Variants in CHM observed in about 807,000 individuals in gnomAD.
CHM encodes CHM Rab escort protein.
A neutral mutation model predicts 49.0 loss-of-function variants in CHM; 10 were observed. The observed-to-expected ratio is 0.20, with a 90% CI of 0.13 to 0.35. The LOEUF is 0.35. CHM is among the 10% of genes least tolerant of loss of function. The pLI is 1.00. For synonymous variants in CHM, 184 were observed against 167.5 expected (o/e 1.10, Z -0.76); for missense variants, 455 against 478.4 (o/e 0.95, Z 0.46).
At chrX:85,926,923 A>G (rs1452203241) in intron 8 of CHM, among the ~76,000 whole-genome samples, 2 of 112,276 alleles carry the variant, frequency 1.8e-5, no homozygotes, top group African/African-American at 6.5e-5. Flanking sequence ...CGTTTTACAT[A>G]ACAGTTATTT....
intron 8 of CHM, among the ~76,000 whole-genome samples, chrX:85,954,778 G>C (rs1221462567): frequency 9.1e-6 from 1 of 109,357 alleles, no homozygotes; most frequent in African/African-American, 3.3e-5. Context: ...TGTAATCCCA[G>C]CTACTCAGGA....
At chrX:86,041,308 A>G (rs1569264067) in intron 1 of CHM, among the ~76,000 whole-genome samples, 2 of 111,500 alleles carry the variant, frequency 1.8e-5, no homozygotes, top group Admixed American at 9.6e-5. Context: ...CCAGAGTTAG[A>G]TAACTCTTTA....
chrX:85,942,057 T>C, intron 8 of CHM, among the ~76,000 whole-genome samples: 1 of 111,561 alleles, frequency 9.0e-6, no homozygotes. Context: ...ATTTGCCCAA[T>C]GATACACAGT....
chrX:86,016,539 C>G (rs1304560944), intron 2 of CHM, among the ~76,000 whole-genome samples: 2 of 112,845 alleles, frequency 1.8e-5, no homozygotes, highest in African/African-American at 6.4e-5. Context: ...TCAGAGGGTG[C>G]AAGCCCAAAG....
chrX:86,031,136 A>C (rs1375216256), intron 1 of CHM, among the ~76,000 whole-genome samples: 1 of 111,416 alleles, frequency 9.0e-6, no homozygotes, highest in Non-Finnish European at 1.9e-5. Flanking sequence ...AATTCACAGA[A>C]TCAAAAAGTG....
chrX:85,873,039 T>A lies in CHM; in HGVS notation c.1770+13A>T. ...CATCTTAATACAAAACTGAGAAACA[T>A]CAAGAGCCTTACCTGTTTGACTGCA... On this transcript the variant is annotated intron_variant, in intron 14 of 14. Transcript: ENST00000357749. 8.3e-7 allele frequency: 1 copy of A among 1,202,557 alleles called. No homozygotes were observed. Among genetic ancestry groups the A allele is most frequent in the South Asian group, 1.8e-5 (1 of 56,372 alleles).
intron 12 of CHM, among the ~76,000 whole-genome samples, chrX:85,891,256 G>T (rs182335230): frequency 1.7e-3 from 194 of 112,389 alleles, no homozygotes; most frequent in African/African-American, 6.0e-3. Context: ...ATTCAAGCCT[G>T]TTGCAGAAAT....
chrX:85,899,008 T>C (rs1926084272), intron 11 of CHM, among the ~76,000 whole-genome samples: 1 of 112,578 alleles, frequency 8.9e-6, no homozygotes, highest in South Asian at 3.7e-4. Flanking sequence ...GCAATAAAAA[T>C]TGTTACAAAT....
intron 2 of CHM, among the ~76,000 whole-genome samples, chrX:86,023,987 T>C (rs923738554): frequency 5.4e-5 from 6 of 111,630 alleles, no homozygotes; most frequent in Admixed American, 9.6e-5. Flanking sequence ...AAGAGTATGA[T>C]AAATGCCATG....
intron 11 of CHM, among the ~76,000 whole-genome samples, chrX:85,896,163 A>AG (rs1925817789): frequency 9.1e-6 from 1 of 109,895 alleles, no homozygotes; most frequent in East Asian, 2.8e-4. Flanking sequence ...GAAAAAAAAA[A>AG]AGAGAGAAGA....
intron 8 of CHM, among the ~76,000 whole-genome samples, chrX:85,949,569 G>A (rs5968735): frequency 0.23 from 24,769 of 109,397 alleles, 2,161 homozygotes; most frequent in Non-Finnish European, 0.25. Context: ...GAACTCCCCC[G>A]CTTGTATTAA....
intron 11 of CHM, among the ~76,000 whole-genome samples, chrX:85,896,732 C>A (rs918645032): frequency 6.7e-5 from 7 of 104,646 alleles, no homozygotes; most frequent in African/African-American, 2.4e-4. Context: ...GAACAAGAGC[C>A]CACTAAAGAA....
At chrX:85,901,287 C>T (rs1311390711) in intron 9 of CHM, 99 bp from the exon 10 acceptor site, 1 of 539,537 alleles carries the variant, frequency 1.9e-6, no homozygotes, top group South Asian at 3.8e-5. Context: ...ATGAATTTCA[C>T]GTGAAGACAA....
chrX:85,967,503 C>A (rs1173816796), intron 4 of CHM, among the ~76,000 whole-genome samples: 1 of 111,317 alleles, frequency 9.0e-6, no homozygotes, highest in Non-Finnish European at 1.9e-5. Context: ...CTGATAAACC[C>A]AATATAGTAA....
chrX:85,871,773 T>C (rs1395271636), intron 14 of CHM, among the ~76,000 whole-genome samples: 2 of 111,870 alleles, frequency 1.8e-5, no homozygotes, highest in Non-Finnish European at 3.8e-5. Flanking sequence ...ACATTAGTAC[T>C]TGTATTATAA....
At position 85,901,197 on chromosome X, in the gene CHM, A is replaced by T; in HGVS notation, c.1245-9T>A. The T allele has an allele frequency of 9.5e-7, 1 of 1,050,816 alleles. No individual in the cohort carries two copies. The highest frequency in any genetic ancestry group is 1.3e-6 in the Non-Finnish European group (1 of 762,402). The allele number at this position is 1,050,816 out of a possible 1,213,427, so 86.6% of individuals were successfully genotyped here. ...CTATAATTGCTTTACATCTATAAAG[A>T]AGATAAGCATACCATAAAAGTTCAT... On this transcript the variant is annotated splice_polypyrimidine_tract_variant and intron_variant, in intron 9 of 14. Coordinates refer to ENST00000357749, the MANE Select transcript of CHM (RefSeq NM_000390.4).
Position 85,997,284 on chromosome X carries a change from A to G in CHM, c.117-15475T>C, listed in dbSNP as rs193302627. Among the ~76,000 whole-genome samples the G allele has an allele frequency of 3.9e-4, 43 of 111,344 alleles. No individual in the cohort carries two copies. The East Asian group carries it at 5.4e-3, about 14-fold the overall frequency. On this transcript the variant is annotated intron_variant, in intron 2 of 14. Transcript: ENST00000357749. The stretch of plus-strand genomic sequence containing the variant: ...CCTTTCATAGTACAGTTTATAATAT[A>G]AAATTTGAGCATGTTTAATGTCTAT...
chrX:85,961,098 T>C (rs1480093572), intron 5 of CHM, among the ~76,000 whole-genome samples: 1 of 110,913 alleles, frequency 9.0e-6, no homozygotes, highest in Non-Finnish European at 1.9e-5. Context: ...GTCAACTAGT[T>C]TGGAGATACT....
intron 2 of CHM, among the ~76,000 whole-genome samples, chrX:86,006,339 T>C (rs1490150655): frequency 8.9e-6 from 1 of 111,927 alleles, no homozygotes; most frequent in Non-Finnish European, 1.9e-5. Flanking sequence ...AGCATTCCCT[T>C]TGAAAACAGG....
Sources: gnomAD v4.1 joint callset for allele counts (sites outside exome capture counted in the v4.1 genomes callset) on GRCh38, gnomAD v4.1.1 for gene constraint, MANE v1.5 for transcripts, NCBI Gene and HGNC (gene_info 2026-07-23, HGNC 2026-07-21) for gene names.